Variants in GRM8 observed in about 807,000 individuals in gnomAD.
GRM8 encodes the protein glutamate metabotropic receptor 8.
A neutral mutation model predicts 87.2 loss-of-function variants in GRM8; 47 were observed. The ratio of observed to expected loss-of-function variants is 0.54; its 90% CI spans 0.43 to 0.69. The LOEUF is 0.69. Ranked by LOEUF, GRM8 falls within the 30% of genes least tolerant of loss-of-function variation. GRM8 has a pLI of 0.00. For missense variants in GRM8, 1,019 were observed against 1,139.2 expected (o/e 0.89, Z 1.52); for synonymous variants, 396 against 404.5 (o/e 0.98, Z 0.25).
At chr7:126,748,839 T>C (rs1353550798) in intron 7 of GRM8, among the ~76,000 whole-genome samples, 2 of 152,194 alleles carry the variant, frequency 1.3e-5, no homozygotes, top group Middle Eastern at 3.4e-3. Context: ...GACTTACACA[T>C]ATGTATTCAA....
intron 8 of GRM8, among the ~76,000 whole-genome samples, chr7:126,549,397 C>T (rs1230509771): frequency 2.0e-5 from 3 of 151,950 alleles, no homozygotes. Flanking sequence ...CAAGCAAGGA[C>T]CCCCACCCCT....
chr7:126,698,128 A>G (rs953269196), intron 7 of GRM8, among the ~76,000 whole-genome samples: 2 of 152,156 alleles, frequency 1.3e-5, no homozygotes, highest in Non-Finnish European at 2.9e-5. Flanking sequence ...CATGCTACGT[A>G]TTCAGGATGT....
At chr7:126,550,240 G>A (rs879821399) in intron 8 of GRM8, among the ~76,000 whole-genome samples, 1 of 151,402 alleles carries the variant, frequency 6.6e-6, no homozygotes, top group Non-Finnish European at 1.5e-5. Context: ...TCAGTCCCCC[G>A]AGCAACTGGG....
chr7:126,451,842 CACCA>C (rs1563020483), intron 9 of GRM8, among the ~76,000 whole-genome samples: 2 of 151,714 alleles, frequency 1.3e-5, no homozygotes, highest in Non-Finnish European at 2.9e-5. Context: ...TTCCTGAACA[CACCA>C]TTGAAAATTG....
rs370840721 is a variant in GRM8, at chr7:126,971,094, G to A, written c.728-66411C>T. On this transcript the variant is annotated intron_variant, in intron 3 of 10. Coordinates refer to ENST00000339582, the MANE Select transcript of GRM8 (RefSeq NM_000845.3). ...ACACAGAGATACTAAGTGAACACAC[G>A]CTGTTGGAAAAATGTCACCAATAGA... 3.4e-4 allele frequency among the ~76,000 whole-genome samples: 49 copies of A among 145,850 alleles called. No homozygotes were observed. The Middle Eastern group carries it at 0.011, about 32-fold the overall frequency.
intron 9 of GRM8, among the ~76,000 whole-genome samples, chr7:126,519,431 A>G (rs1291071739): frequency 6.6e-6 from 1 of 152,082 alleles, no homozygotes; most frequent in Non-Finnish European, 1.5e-5. Context: ...CTAATAGTCA[A>G]TAGGAATTAA....
At chr7:126,649,885 G>A (rs1198914975) in intron 7 of GRM8, among the ~76,000 whole-genome samples, 1 of 152,178 alleles carries the variant, frequency 6.6e-6, no homozygotes, top group Non-Finnish European at 1.5e-5. Context: ...GAGATCCAAT[G>A]GTGCCTGAGG....
At chr7:126,998,962 C>CA (rs1463517082) in intron 3 of GRM8, among the ~76,000 whole-genome samples, 2 of 151,720 alleles carry the variant, frequency 1.3e-5, no homozygotes, top group African/African-American at 4.8e-5. Flanking sequence ...ATATCCTGAG[C>CA]AAAAAGAACA....
chr7:127,020,626 C>A (rs1378774387), intron 3 of GRM8, among the ~76,000 whole-genome samples: 2 of 152,016 alleles, frequency 1.3e-5, no homozygotes, highest in Non-Finnish European at 2.9e-5. Context: ...CCTGCAGGAA[C>A]TAGGTGTGAA....
intron 2 of GRM8, among the ~76,000 whole-genome samples, chr7:127,169,485 A>AG (rs1053500835): frequency 1.3e-4 from 20 of 152,350 alleles, no homozygotes; most frequent in African/African-American, 4.6e-4. Context: ...GGAAGCAGCA[A>AG]GGGCTGATGT....
intron 7 of GRM8, among the ~76,000 whole-genome samples, chr7:126,639,089 G>T (rs558347023): frequency 6.6e-6 from 1 of 152,152 alleles, no homozygotes; most frequent in East Asian, 1.9e-4. Flanking sequence ...CCTAAAATGC[G>T]TATCTGTCTT....
At chr7:126,599,382 C>T (rs1797514201) in intron 8 of GRM8, among the ~76,000 whole-genome samples, 1 of 152,086 alleles carries the variant, frequency 6.6e-6, no homozygotes, top group Non-Finnish European at 1.5e-5. Flanking sequence ...CTCGGTTATA[C>T]ATTATCTCAG....
chr7:126,888,970 A>C (rs527582370), intron 6 of GRM8, among the ~76,000 whole-genome samples: 1 of 152,184 alleles, frequency 6.6e-6, no homozygotes, highest in East Asian at 1.9e-4. Flanking sequence ...AAAGTGATAC[A>C]TGGGTGGAAT....
chr7:126,727,632 T>C (rs1344388754), intron 7 of GRM8, among the ~76,000 whole-genome samples: 3 of 151,770 alleles, frequency 2.0e-5, no homozygotes, highest in East Asian at 1.9e-4. Context: ...AATTTCAAAA[T>C]GGCTTAAAGT....
At chr7:126,771,719 T>C (rs145815880) in intron 6 of GRM8, among the ~76,000 whole-genome samples, 1 of 152,226 alleles carries the variant, frequency 6.6e-6, no homozygotes, top group African/African-American at 2.4e-5. Context: ...GCCTACCATA[T>C]CTCTACGTAG....
intron 6 of GRM8, among the ~76,000 whole-genome samples, chr7:126,856,354 A>AT (rs368855363): frequency 0.01 from 1,534 of 149,932 alleles, 11 homozygotes; most frequent in Middle Eastern, 0.024. Flanking sequence ...ACATCGCCAC[A>AT]TTTTTTTTTT....
rs183524988 is a variant in GRM8 at position 127,197,326 on chromosome 7, C to T, written c.510+45369G>A. The stretch of plus-strand genomic sequence containing the variant: ...AGATACTTCACAAAATCTCGACAAC[C>T]TACACAGATAGACAATTGTCAAAGA... On this transcript the variant is annotated intron_variant, in intron 2 of 10. Transcript: ENST00000339582. 2.1e-3 allele frequency among the ~76,000 whole-genome samples: 321 copies of T among 152,280 alleles called. 1 individual carries two copies. The highest frequency in any genetic ancestry group is 4.1e-3 in the Admixed American group (62 of 15,294).
chr7:126,796,757 A>T lies in GRM8; in HGVS notation c.1157-26692T>A, dbSNP rs1821992630. Among the ~76,000 whole-genome samples, 3 of 152,062 alleles carry T rather than the reference A, an allele frequency of 2.0e-5. No homozygotes were observed. In the South Asian group the frequency reaches 6.2e-4, roughly 32 times the overall value. On this transcript the variant is annotated intron_variant, in intron 6 of 10. Coordinates refer to ENST00000339582, the MANE Select transcript of GRM8 (RefSeq NM_000845.3). Reference sequence around the variant, plus strand: ...AGATCCTCTAGTTAAAGCACCCTCCAAAAAGAAGAGCCCTCCTCTCATGGA... The same window carrying T: ...AGATCCTCTAGTTAAAGCACCCTCCTAAAAGAAGAGCCCTCCTCTCATGGA...
intron 6 of GRM8, among the ~76,000 whole-genome samples, chr7:126,859,090 T>A (rs1407948631): frequency 6.6e-6 from 1 of 151,282 alleles, no homozygotes; most frequent in Admixed American, 6.6e-5. Flanking sequence ...CACATATACC[T>A]CTCCCTACAC....
Sources: gnomAD v4.1 joint callset for allele counts (sites outside exome capture counted in the v4.1 genomes callset) on GRCh38, gnomAD v4.1.1 for gene constraint, MANE v1.5 for transcripts, NCBI Gene and HGNC (gene_info 2026-07-23, HGNC 2026-07-21) for gene names.